ADAM12: variants seen among roughly 807,000 people sequenced by gnomAD.
The protein encoded by ADAM12 is disintegrin and metalloproteinase domain-containing protein 12.
Under a neutral mutation model 106.4 loss-of-function variants are expected in ADAM12, and 70 were observed. That is an observed-to-expected ratio of 0.66 (90% CI 0.54 to 0.80). ADAM12 has a LOEUF of 0.80. Among genes scored for constraint, ADAM12 ranks in the 30% least tolerant of loss-of-function variants. ADAM12 has a pLI of 0.00. For synonymous variants in ADAM12, 420 were observed against 433.5 expected, an observed-to-expected ratio of 0.97 and a Z score of 0.39; for missense variants, 1,010 against 1,171.9, an observed-to-expected ratio of 0.86 and a Z score of 2.02.
At chr10:126,247,543 C>T (rs2133672136) in intron 3 of ADAM12, among the ~76,000 whole-genome samples, 1 of 152,282 alleles carries the variant, frequency 6.6e-6, no homozygotes, top group East Asian at 1.9e-4. Flanking sequence ...AATCCCAGCG[C>T]CCGGCTCAGT....
At position 126,019,710 on chromosome 10, in the gene ADAM12, C is replaced by A. The variant is rs770041154; in HGVS notation, c.2645G>T (p.Arg882Leu). The change falls in exon 22 of 23, where the codon CGC becomes CTC. Residue 882 changes from arginine to leucine, a missense_variant. Arg to Leu is a moderately radical substitution (Grantham distance 102, BLOSUM62 -2). Coordinates refer to ENST00000448723, the MANE Select transcript of ADAM12 (RefSeq NM_001288973.2). ...RTPGQWETGL[R>L]LAPLRPAPQY... is the part of the protein sequence containing the mutation. The stretch of plus-strand genomic sequence containing the variant: ...TCACACAAACCTGAGGGGTGCCAGG[C>A]GGAGCCCAGTCTCCCATTGTCCTGG... The A allele has an allele frequency of 3.7e-6, 6 of 1,613,642 alleles. No homozygotes were observed. The highest frequency in any genetic ancestry group is 5.1e-6 in the Non-Finnish European group (6 of 1,179,790).
chr10:126,325,089 G>T (rs1165079280), intron 2 of ADAM12, among the ~76,000 whole-genome samples: 2 of 152,072 alleles, frequency 1.3e-5, no homozygotes, highest in Non-Finnish European at 2.9e-5. Context: ...AGGACACCAA[G>T]AATGAGGGAC....
At chr10:126,278,465 GA>G (rs1285330660) in intron 3 of ADAM12, among the ~76,000 whole-genome samples, 2 of 152,112 alleles carry the variant, frequency 1.3e-5, no homozygotes, top group Non-Finnish European at 2.9e-5. Context: ...GAAGATGACA[GA>G]AATAGTCCAA....
In ADAM12 at chr10:126,016,025, C is replaced by G. The variant is rs927748662; in HGVS notation, c.*1254G>C. The G allele has an allele frequency of 6.6e-6, 1 of 152,134 alleles. No individual in the cohort carries two copies. The highest frequency in any genetic ancestry group is 2.4e-5 in the African/African-American group (1 of 41,434). 9.4% of individuals were successfully genotyped at this position (152,134 alleles called of 1,614,324 possible). A position where few individuals can be genotyped will look rare whatever the true frequency, so the allele number is the denominator to read the frequency against. ...CCTTATCACATTCTGTGATGCTCAACAGGTAGGTTGCAAGTGTTTAAGAAA... is the reference window on the plus strand; with the variant it reads ...CCTTATCACATTCTGTGATGCTCAAGAGGTAGGTTGCAAGTGTTTAAGAAA... On this transcript the variant is annotated 3_prime_UTR_variant, in exon 23 of 23. Coordinates refer to ENST00000448723, the MANE Select transcript of ADAM12 (RefSeq NM_001288973.2).
chr10:126,319,711 A>T (rs944172405), intron 2 of ADAM12, among the ~76,000 whole-genome samples: 1 of 152,226 alleles, frequency 6.6e-6, no homozygotes, highest in African/African-American at 2.4e-5. Flanking sequence ...TTAGCTCCTA[A>T]TAATCCACTG....
At chr10:126,243,473 C>CTGTGTGTG (rs1215369145) in intron 3 of ADAM12, among the ~76,000 whole-genome samples, 55 of 97,254 alleles carry the variant, frequency 5.7e-4, no homozygotes, top group East Asian at 5.5e-3. Context: ...GGGAGCAACT[C>CTGTGTGTG]TGTGTGTGTG....
At chr10:126,156,933 C>T (rs1956827488) in intron 3 of ADAM12, among the ~76,000 whole-genome samples, 1 of 152,124 alleles carries the variant, frequency 6.6e-6, no homozygotes, top group African/African-American at 2.4e-5. Context: ...GCTTTAAATA[C>T]TGAACTTTGT....
rs984620373 is a variant in ADAM12 at position 126,336,655 on chromosome 10, T to G, written c.89-6146A>C. 2.0e-5 allele frequency among the ~76,000 whole-genome samples: 3 copies of G among 151,896 alleles called. 1 individual carries two copies. The highest frequency in any genetic ancestry group is 7.3e-5 in the African/African-American group (3 of 41,310). On this transcript the variant is annotated intron_variant, in intron 1 of 22. Coordinates refer to ENST00000448723, the MANE Select transcript of ADAM12 (RefSeq NM_001288973.2). Reference sequence around the variant, plus strand: ...TTTTTTGCATCATTGGCTACAAGGGTCTGGGATGGCAGAAAAGTTAAAGGG... The same window carrying G: ...TTTTTTGCATCATTGGCTACAAGGGGCTGGGATGGCAGAAAAGTTAAAGGG...
intron 1 of ADAM12, among the ~76,000 whole-genome samples, chr10:126,367,985 T>C (rs1421507343): frequency 6.6e-6 from 1 of 151,770 alleles, no homozygotes; most frequent in African/African-American, 2.4e-5. Flanking sequence ...AATAGCACTA[T>C]CTCTTATAAA....
intron 5 of ADAM12, among the ~76,000 whole-genome samples, chr10:126,121,122 G>GTATATATAGTATATATAGTATATATAGTA (rs1565073944): frequency 0.068 from 2,000 of 29,456 alleles, 196 homozygotes; most frequent in East Asian, 0.13. Context: ...TATATATATA[G>GTATATATAGTATATATAGTATATATAGTA]TATATATACT....
chr10:126,086,151 A>G (rs192073420), intron 11 of ADAM12, among the ~76,000 whole-genome samples: 161 of 152,308 alleles, frequency 1.1e-3, no homozygotes, highest in African/African-American at 3.8e-3. Context: ...AGGTTTGCAG[A>G]ATTAAATGGC....
At chr10:126,118,010 G>A (rs1956017853) in intron 6 of ADAM12, 28 bp downstream of exon 6, 1 of 1,608,282 alleles carries the variant, frequency 6.2e-7, no homozygotes, top group African/African-American at 1.3e-5. Context: ...TAGCTTTCCA[G>A]AAACACAAAA....
intron 3 of ADAM12, among the ~76,000 whole-genome samples, chr10:126,181,174 C>T (rs988543107): frequency 6.6e-6 from 1 of 151,482 alleles, no homozygotes; most frequent in Non-Finnish European, 1.5e-5. Flanking sequence ...TGGGTTCAAG[C>T]AATTCTCTTG....
At position 126,017,272 on chromosome 10, in the gene ADAM12, C is replaced by T. The variant is rs748056711; in HGVS notation, c.*7G>A. 1.4e-5 allele frequency: 23 copies of T among 1,588,712 alleles called. No homozygotes were observed. The highest frequency in any genetic ancestry group is 1.2e-4 in the Admixed American group (7 of 56,202). ...TGTCTTCACTGTTGAAAAAAGGTGTCGGCTTCTCACTTAATATAGGCGGTG... is the reference window on the plus strand; with the variant it reads ...TGTCTTCACTGTTGAAAAAAGGTGTTGGCTTCTCACTTAATATAGGCGGTG... On this transcript the variant is annotated 3_prime_UTR_variant, in exon 23 of 23. Transcript: ENST00000448723.
At chr10:126,034,963 T>C (rs1405906119) in intron 21 of ADAM12, among the ~76,000 whole-genome samples, 1 of 152,162 alleles carries the variant, frequency 6.6e-6, no homozygotes, top group Non-Finnish European at 1.5e-5. Flanking sequence ...ACAATCCTAA[T>C]TGTGTGTATC....
intron 1 of ADAM12, among the ~76,000 whole-genome samples, chr10:126,366,333 C>T (rs1274092069): frequency 2.0e-5 from 3 of 152,038 alleles, no homozygotes; most frequent in Non-Finnish European, 4.4e-5. Flanking sequence ...ATATTAATTC[C>T]ATGCAGCCTT....
rs191322196 is a variant in ADAM12 at position 126,122,414 on chromosome 10, A to G, written c.417-4190T>C. ...GACTTCTAACTTTGGAATAGGTAGGAGAGGATTTTTGTTTATTAAAGTTGA... is the reference window on the plus strand; with the variant it reads ...GACTTCTAACTTTGGAATAGGTAGGGGAGGATTTTTGTTTATTAAAGTTGA... On this transcript the variant is annotated intron_variant, in intron 5 of 22. Transcript: ENST00000448723. Among the ~76,000 whole-genome samples the G allele has an allele frequency of 3.9e-5, 6 of 152,282 alleles. No individual in the cohort carries two copies. The East Asian group carries it at 1.2e-3, about 29-fold the overall frequency.
intron 2 of ADAM12, among the ~76,000 whole-genome samples, chr10:126,297,174 T>C (rs932211502): frequency 4.6e-5 from 7 of 152,184 alleles, no homozygotes; most frequent in African/African-American, 1.7e-4. Flanking sequence ...TAGAAAAGTA[T>C]GCACAGATAT....
intron 8 of ADAM12, among the ~76,000 whole-genome samples, chr10:126,107,741 T>A (rs991368579): frequency 6.6e-6 from 1 of 152,156 alleles, no homozygotes; most frequent in Non-Finnish European, 1.5e-5. Context: ...GGGGAGCTTC[T>A]GAAAATTCGA....
Sources: allele counts gnomAD v4.1 joint callset (sites outside exome capture counted in the v4.1 genomes callset), GRCh38; gene constraint gnomAD v4.1.1; transcripts MANE v1.5; gene names NCBI Gene and HGNC (gene_info 2026-07-23, HGNC 2026-07-21).